Variants in AGBL4 observed in about 807,000 individuals in gnomAD.
AGBL4 encodes the protein cytosolic carboxypeptidase 6.
AGBL4 carries 58 observed loss-of-function variants against 66.4 expected under a neutral mutation model. The ratio of observed to expected loss-of-function variants is 0.87; its 90% CI spans 0.71 to 1.09. The LOEUF is 1.09. AGBL4 is among the 50% of genes least tolerant of loss of function. The pLI, the probability that AGBL4 is intolerant of heterozygous loss-of-function variation, is 0.00. For synonymous variants in AGBL4, 234 were observed against 222.9 expected (o/e 1.05, Z -0.44); for missense variants, 579 against 631.0 (o/e 0.92, Z 0.88).
At chr1:48,942,476 A>G (rs1249538628) in intron 5 of AGBL4, among the ~76,000 whole-genome samples, 1 of 152,164 alleles carries the variant, frequency 6.6e-6, no homozygotes, top group African/African-American at 2.4e-5. Context: ...AAACTATTAG[A>G]GGGCTGTTGT....
At chr1:48,632,217 G>A (rs1645604789) in intron 9 of AGBL4, among the ~76,000 whole-genome samples, 1 of 152,154 alleles carries the variant, frequency 6.6e-6, no homozygotes, top group African/African-American at 2.4e-5. Context: ...AGGCATAAAT[G>A]AGTAGCCTTT....
intron 2 of AGBL4, among the ~76,000 whole-genome samples, chr1:49,836,354 G>A (rs192735228): frequency 4.7e-4 from 71 of 151,562 alleles, no homozygotes; most frequent in African/African-American, 1.6e-3. Context: ...TTCTTTTTCC[G>A]CTTGATCAAT....
At chr1:49,587,904 G>A (rs1214388052) in intron 3 of AGBL4, among the ~76,000 whole-genome samples, 3 of 151,828 alleles carry the variant, frequency 2.0e-5, no homozygotes, top group Admixed American at 2.0e-4. Context: ...ATGAAATTCT[G>A]AGGCTCTGTA....
At chr1:49,344,568 T>C (rs190535143) in intron 3 of AGBL4, among the ~76,000 whole-genome samples, 49 of 152,280 alleles carry the variant, frequency 3.2e-4, no homozygotes, top group African/African-American at 1.2e-3. Context: ...AGGGGTGTTA[T>C]TCAGTTTTTC....
chr1:49,742,805 G>T (rs1650631810), intron 2 of AGBL4, among the ~76,000 whole-genome samples: 1 of 152,154 alleles, frequency 6.6e-6, no homozygotes, highest in Non-Finnish European at 1.5e-5. Flanking sequence ...ATGGGGAAAG[G>T]ATTCCCTATT....
At chr1:48,892,132 T>C (rs1651033728) in intron 5 of AGBL4, among the ~76,000 whole-genome samples, 1 of 152,142 alleles carries the variant, frequency 6.6e-6, no homozygotes, top group South Asian at 2.1e-4. Context: ...TAATTTTGCC[T>C]CTTCCAGCTT....
intron 6 of AGBL4, among the ~76,000 whole-genome samples, chr1:48,850,628 G>T (rs906187593): frequency 2.0e-5 from 3 of 152,082 alleles, no homozygotes; most frequent in African/African-American, 7.2e-5. Flanking sequence ...AAGCTCAGGT[G>T]ATCCTCCCAC....
intron 3 of AGBL4, among the ~76,000 whole-genome samples, chr1:49,275,409 C>G (rs1180002395): frequency 6.6e-6 from 1 of 152,130 alleles, no homozygotes; most frequent in Non-Finnish European, 1.5e-5. Context: ...GTTTCTTAGC[C>G]TCAAGGCTTT....
At chr1:50,014,898 C>G (rs1661862416) in intron 1 of AGBL4, among the ~76,000 whole-genome samples, 1 of 152,158 alleles carries the variant, frequency 6.6e-6, no homozygotes, top group Admixed American at 6.5e-5. Context: ...CTTGCACGTA[C>G]TGTGCATTTC....
intron 4 of AGBL4, among the ~76,000 whole-genome samples, chr1:49,218,895 T>G (rs980749905): frequency 3.3e-5 from 5 of 152,140 alleles, no homozygotes; most frequent in African/African-American, 1.2e-4. Context: ...AGGAATTTCC[T>G]GCACAAGCTC....
intron 4 of AGBL4, among the ~76,000 whole-genome samples, chr1:49,151,507 AG>A (rs1299859061): frequency 6.6e-6 from 1 of 151,700 alleles, no homozygotes; most frequent in African/African-American, 2.4e-5. Context: ...TCTGATGTGA[AG>A]AAAAAAACTG....
chr1:48,839,110 CAGTA>C (rs955464024), intron 6 of AGBL4, among the ~76,000 whole-genome samples: 4 of 151,962 alleles, frequency 2.6e-5, no homozygotes, highest in Admixed American at 1.3e-4. Flanking sequence ...CTATGGAAAA[CAGTA>C]AGGAGGTTCT....
At chr1:48,923,071 G>A (rs1214946552) in intron 5 of AGBL4, among the ~76,000 whole-genome samples, 1 of 149,450 alleles carries the variant, frequency 6.7e-6, no homozygotes, top group African/African-American at 2.5e-5. Flanking sequence ...TATATAAACA[G>A]AAATTAAATA....
In AGBL4 at chr1:49,253,114, G is replaced by T. The variant is rs189392450; in HGVS notation, c.283-7250C>A. Among the ~76,000 whole-genome samples the T allele has an allele frequency of 9.2e-5, 14 of 152,250 alleles. No individual in the cohort carries two copies. In the East Asian group the frequency reaches 2.7e-3, roughly 29 times the overall value. ...CCCAATTAAAAGACTCAGAGTGGAA[G>T]CTGGATAAAGAACCAAAACCCAGTG... On this transcript the variant is annotated intron_variant, in intron 3 of 13. Transcript: ENST00000371839.
intron 6 of AGBL4, among the ~76,000 whole-genome samples, chr1:48,704,350 G>C (rs1402555625): frequency 6.6e-6 from 1 of 152,056 alleles, no homozygotes; most frequent in Non-Finnish European, 1.5e-5. Flanking sequence ...GTTCACTTAG[G>C]CTACAATCAA....
intron 3 of AGBL4, among the ~76,000 whole-genome samples, chr1:49,620,454 A>G (rs1348941593): frequency 1.3e-5 from 2 of 152,206 alleles, no homozygotes; most frequent in Admixed American, 6.5e-5. Flanking sequence ...TGATCATTAA[A>G]AAGTCAGGAA....
At chr1:49,808,356 G>A (rs1221053271) in intron 2 of AGBL4, among the ~76,000 whole-genome samples, 1 of 152,160 alleles carries the variant, frequency 6.6e-6, no homozygotes, top group Non-Finnish European at 1.5e-5. Context: ...ACAAAGGGAA[G>A]ACAGGAGGAG....
At chr1:48,883,452 T>A (rs1467177229) in intron 5 of AGBL4, among the ~76,000 whole-genome samples, 1 of 152,212 alleles carries the variant, frequency 6.6e-6, no homozygotes, top group Non-Finnish European at 1.5e-5. Context: ...ATTTATAGAC[T>A]GAAGTAATTA....
At chr1:49,997,716 A>C (rs887828746) in intron 1 of AGBL4, among the ~76,000 whole-genome samples, 1 of 152,186 alleles carries the variant, frequency 6.6e-6, no homozygotes, top group African/African-American at 2.4e-5. Flanking sequence ...CTTAACAGAT[A>C]TTTACAGAAC....
Sources: gnomAD v4.1 joint callset for allele counts (sites outside exome capture counted in the v4.1 genomes callset) on GRCh38, gnomAD v4.1.1 for gene constraint, MANE v1.5 for transcripts, NCBI Gene and HGNC (gene_info 2026-07-23, HGNC 2026-07-21) for gene names.